DNAI3: variants seen among roughly 807,000 people sequenced by gnomAD.
The protein encoded by DNAI3 is WD repeat domain 63.
Under a neutral mutation model 115.5 loss-of-function variants are expected in DNAI3, and 83 were observed. That is an observed-to-expected ratio of 0.72 (90% CI 0.60 to 0.86). DNAI3 has a LOEUF of 0.86. Among genes scored for constraint, DNAI3 ranks in the 40% least tolerant of loss-of-function variants. The pLI is 0.00. For missense variants in DNAI3, 1,004 were observed against 1,075.8 expected, an observed-to-expected ratio of 0.93 and a Z score of 0.93; for synonymous variants, 320 against 347.0, an observed-to-expected ratio of 0.92 and a Z score of 0.86.
At chr1:85,119,308 G>A (rs747241657) in intron 17 of DNAI3, among the ~76,000 whole-genome samples, 3 of 152,110 alleles carry the variant, frequency 2.0e-5, no homozygotes, top group Admixed American at 6.5e-5. Context: ...CAAACTGGGC[G>A]TCTGTACGCA....
chr1:85,115,660 G>GTTTT (rs1655794360), intron 16 of DNAI3, among the ~76,000 whole-genome samples: 1 of 152,000 alleles, frequency 6.6e-6, no homozygotes, highest in Non-Finnish European at 1.5e-5. Flanking sequence ...TTTTGCACCA[G>GTTTT]GGACCAGTTT....
In DNAI3 at chr1:85,081,373, A is replaced by C. The variant is rs1654627560; in HGVS notation, c.243A>C (p.Arg81Ser). 1.6e-5 allele frequency: 26 copies of C among 1,591,648 alleles called. No individual in the cohort carries two copies. The highest frequency in any genetic ancestry group is 1.9e-5 in the Non-Finnish European group (22 of 1,173,364). ...ACATTTTTGAGGACCTGCGCAACAG[A>C]GCTGCAGTATCTGATTTCCACCCAG... is the stretch of plus-strand genomic sequence containing the variant. The part of the protein sequence containing the change: ...KEDIFEDLRN[R>S]AAVSDFHPVK... The change falls in exon 4 of 23, where the codon AGA (arginine) becomes AGC (serine). Residue 81 changes from arginine to serine, a missense_variant. Coordinates refer to ENST00000294664, the MANE Select transcript of DNAI3 (RefSeq NM_145172.5).
intron 16 of DNAI3, among the ~76,000 whole-genome samples, chr1:85,115,446 T>C (rs1164076436): frequency 6.6e-6 from 1 of 152,234 alleles, no homozygotes; most frequent in Non-Finnish European, 1.5e-5. Context: ...GCACACACTT[T>C]AGTGCCTGGC....
chr1:85,125,797 G>A (rs2100615897), intron 19 of DNAI3, among the ~76,000 whole-genome samples: 1 of 152,336 alleles, frequency 6.6e-6, no homozygotes, highest in East Asian at 1.9e-4. Flanking sequence ...TTTAGTCCCT[G>A]CAGATGTAAG....
At chr1:85,092,843 A>T (rs574971494) in intron 8 of DNAI3, among the ~76,000 whole-genome samples, 10 of 147,428 alleles carry the variant, frequency 6.8e-5, no homozygotes, top group South Asian at 4.4e-4. Flanking sequence ...ACACTTCTAA[A>T]CTCCAATTCT....
chr1:85,100,928 A>T (rs1246660110), intron 13 of DNAI3, among the ~76,000 whole-genome samples: 1 of 150,350 alleles, frequency 6.7e-6, no homozygotes, highest in Non-Finnish European at 1.5e-5. Context: ...AACAATGAGA[A>T]CACATGGACA....
intron 16 of DNAI3, among the ~76,000 whole-genome samples, chr1:85,116,932 A>G (rs1351323848): frequency 1.3e-5 from 2 of 152,192 alleles, no homozygotes; most frequent in Admixed American, 1.3e-4. Flanking sequence ...GAATTATGCT[A>G]AAGTTTTTTT....
chr1:85,131,380 G>T (rs1656315903), intron 22 of DNAI3, among the ~76,000 whole-genome samples: 1 of 147,662 alleles, frequency 6.8e-6, no homozygotes, highest in African/African-American at 2.5e-5. Context: ...GGAGGCGGAG[G>T]TTATGGTGAG....
At chr1:85,113,690 C>G (rs1655723859) in intron 16 of DNAI3, among the ~76,000 whole-genome samples, 1 of 150,896 alleles carries the variant, frequency 6.6e-6, no homozygotes, top group African/African-American at 2.4e-5. Flanking sequence ...TTTTGCTTTT[C>G]CATGTGAATT....
At chr1:85,126,796 T>C in intron 20 of DNAI3, 81 bp downstream of exon 20, 1 of 1,499,052 alleles carries the variant, frequency 6.7e-7, no homozygotes, top group Non-Finnish European at 9.2e-7. Flanking sequence ...AAGCCTCCAA[T>C]GTTTATTTCT....
At position 85,098,664 on chromosome 1, in the gene DNAI3, A is replaced by G; in HGVS notation, c.1479+6A>G. On this transcript the variant is annotated splice_donor_region_variant and intron_variant, in intron 13 of 22. Transcript: ENST00000294664. ...GGTTGTCTGACACATTTGAGGTGAG[A>G]CTTGATGGCCTTATACTTTTCTCCT... is the stretch of plus-strand genomic sequence containing the variant. The G allele has an allele frequency of 3.1e-6, 5 of 1,611,576 alleles. No homozygotes were observed. Among genetic ancestry groups the G allele is most frequent in the Non-Finnish European group, 4.2e-6 (5 of 1,179,076 alleles).
rs1656226198 is a variant in DNAI3, at chr1:85,128,769, T to A, written c.2379T>A (p.Pro793=). 5.6e-6 allele frequency: 9 copies of A among 1,613,438 alleles called. No homozygotes were observed. The highest frequency in any genetic ancestry group is 7.6e-6 in the Non-Finnish European group (9 of 1,179,846). Residue 793 remains proline, a synonymous_variant, in exon 21 of 23, where the codon CCT becomes CCA. Coordinates refer to ENST00000294664, the MANE Select transcript of DNAI3 (RefSeq NM_145172.5). ...YYGTLHILEI[P]WTLSRPSTNE... Reference sequence around the variant, plus strand: ...GAACACTGCATATATTAGAAATTCCTTGGACATTAAGTCGCCCTTCCACCA... The same window carrying A: ...GAACACTGCATATATTAGAAATTCCATGGACATTAAGTCGCCCTTCCACCA...
At chr1:85,116,539 T>A (rs1655821904) in intron 16 of DNAI3, among the ~76,000 whole-genome samples, 1 of 152,218 alleles carries the variant, frequency 6.6e-6, no homozygotes, top group South Asian at 2.1e-4. Flanking sequence ...ACTTCTCTAA[T>A]ATATTTGTGT....
At chr1:85,092,637 G>C (rs1022414275) in intron 8 of DNAI3, among the ~76,000 whole-genome samples, 2 of 152,104 alleles carry the variant, frequency 1.3e-5, no homozygotes, top group African/African-American at 4.8e-5. Context: ...TAGACTATTA[G>C]CAAATGATCC....
At chr1:85,093,754 A>C (rs1557714876) in intron 9 of DNAI3, 106 bp downstream of exon 9, 2 of 1,384,058 alleles carry the variant, frequency 1.4e-6, no homozygotes, top group Non-Finnish European at 2.0e-6. Context: ...GACACCTTCC[A>C]TTTGCTCTGT....
intron 1 of DNAI3, 44 bp from the exon 2 acceptor site, chr1:85,071,884 T>C: frequency 2.6e-6 from 4 of 1,542,734 alleles, no homozygotes; most frequent in East Asian, 2.3e-5. Flanking sequence ...GTAAGTTGTT[T>C]GCAAATTGTA....
chr1:85,079,553 G>A (rs887527981), intron 3 of DNAI3, among the ~76,000 whole-genome samples: 1 of 152,156 alleles, frequency 6.6e-6, no homozygotes, highest in African/African-American at 2.4e-5. Flanking sequence ...GACATCCAGG[G>A]GCGTGGGTGC....
chr1:85,128,206 A>C (rs1277053152), intron 20 of DNAI3, among the ~76,000 whole-genome samples: 1 of 151,920 alleles, frequency 6.6e-6, no homozygotes, highest in African/African-American at 2.4e-5. Flanking sequence ...TGCATATTAT[A>C]CCCATTTTAA....
At position 85,073,035 on chromosome 1, in the gene DNAI3, T is replaced by C; in HGVS notation, c.65-19T>C. 6.8e-7 allele frequency: 1 copy of C among 1,479,950 alleles called. No homozygotes were observed. Among genetic ancestry groups the C allele is most frequent in the Non-Finnish European group, 9.1e-7 (1 of 1,100,870 alleles). The allele number at this position is 1,479,950 out of a possible 1,614,324, so 91.7% of individuals were successfully genotyped here. On this transcript the variant is annotated intron_variant, in intron 2 of 22. Coordinates refer to ENST00000294664, the MANE Select transcript of DNAI3 (RefSeq NM_145172.5). Reference sequence around the variant, plus strand: ...TTGATTCAAAAATGTAAATTTGACTTCCTTTTATTATATTCTAGCTAGTGA... The same window carrying C: ...TTGATTCAAAAATGTAAATTTGACTCCCTTTTATTATATTCTAGCTAGTGA...
Sources: allele counts gnomAD v4.1 joint callset (sites outside exome capture counted in the v4.1 genomes callset), GRCh38; gene constraint gnomAD v4.1.1; transcripts MANE v1.5; gene names NCBI Gene and HGNC (gene_info 2026-07-23, HGNC 2026-07-21).